The following TANGO6 variants were observed in gnomAD, a reference collection of about 807,000 sequenced individuals.
TANGO6 encodes the protein transport and golgi organization 6 homolog.
In TANGO6, 90 loss-of-function variants were observed where a neutral mutation model predicts 114.2. The observed-to-expected ratio is 0.79, with a 90% CI of 0.66 to 0.94. TANGO6 has a LOEUF of 0.94. Ranked by LOEUF, TANGO6 falls within the 40% of genes least tolerant of loss-of-function variation. The probability of loss-of-function intolerance (pLI) is 0.00; values close to 1 mark genes in which losing one functional copy is unlikely to be tolerated. For synonymous variants in TANGO6, 477 were observed against 509.8 expected (o/e 0.94, Z 0.87); for missense variants, 1,274 against 1,315.3 (o/e 0.97, Z 0.49).
chr16:69,082,482 C>T (rs533658299), intron 17 of TANGO6, among the ~76,000 whole-genome samples: 5 of 152,022 alleles, frequency 3.3e-5, no homozygotes, highest in Admixed American at 1.3e-4. Flanking sequence ...CGGGGTGGCT[C>T]ATGCCTGTAA....
chr16:69,027,452 T>C (rs1959521551), intron 16 of TANGO6, among the ~76,000 whole-genome samples: 1 of 152,118 alleles, frequency 6.6e-6, no homozygotes, highest in African/African-American at 2.4e-5. Context: ...TTTAGTAACT[T>C]AGAAACAATA....
intron 4 of TANGO6, among the ~76,000 whole-genome samples, chr16:68,870,942 G>A (rs537031495): frequency 7.5e-5 from 11 of 145,792 alleles, no homozygotes; most frequent in African/African-American, 2.7e-4. Context: ...CACCACGCCC[G>A]GCTAATTTTT....
At chr16:68,996,892 A>G (rs1033140352) in intron 15 of TANGO6, among the ~76,000 whole-genome samples, 7 of 152,220 alleles carry the variant, frequency 4.6e-5, no homozygotes, top group African/African-American at 1.7e-4. Context: ...GGAGCCTGGA[A>G]AGAAGATTAA....
chr16:69,012,164 A>G (rs1964148179), intron 15 of TANGO6, among the ~76,000 whole-genome samples: 1 of 152,216 alleles, frequency 6.6e-6, no homozygotes, highest in Non-Finnish European at 1.5e-5. Context: ...AAGCCATTAG[A>G]ACTAAGCTAA....
chr16:68,988,692 CT>C lies in TANGO6; in HGVS notation c.2842+14545del, dbSNP rs397855895. Among the ~76,000 whole-genome samples the C allele has an allele frequency of 3.2e-3, 360 of 112,434 alleles. 2 individuals are homozygous for C. Among genetic ancestry groups the C allele is most frequent in the East Asian group, 0.014 (59 of 4,350 alleles). 73.8% of individuals were successfully genotyped at this position (112,434 alleles called of 152,430 possible). A position where few individuals can be genotyped will look rare whatever the true frequency, so the allele number is the denominator to read the frequency against. Reference sequence around the variant, plus strand: ...TAGTTAGAGTTTAAGTTCTCTCTCTCTTTTTTTTTTTTTTTTTTTTTGAGAC... The same window carrying C: ...TAGTTAGAGTTTAAGTTCTCTCTCTCTTTTTTTTTTTTTTTTTTTTGAGAC... On this transcript the variant is annotated intron_variant, in intron 15 of 17. Transcript: ENST00000261778.
At chr16:68,898,310 G>A (rs915545483) in intron 7 of TANGO6, among the ~76,000 whole-genome samples, 4 of 152,084 alleles carry the variant, frequency 2.6e-5, no homozygotes, top group African/African-American at 9.7e-5. Flanking sequence ...GGAGTCAGGA[G>A]GCTTAAGGGA....
intron 15 of TANGO6, among the ~76,000 whole-genome samples, chr16:69,014,362 T>G (rs1477547830): frequency 6.6e-6 from 1 of 152,164 alleles, no homozygotes; most frequent in African/African-American, 2.4e-5. Context: ...TCTAGCAGAC[T>G]TTCCTTCACA....
intron 17 of TANGO6, among the ~76,000 whole-genome samples, chr16:69,057,005 T>C (rs1960042453): frequency 1.5e-5 from 2 of 129,350 alleles, no homozygotes; most frequent in Non-Finnish European, 3.3e-5. Context: ...TTCTTTTTTT[T>C]TTTTTTTTTT....
intron 14 of TANGO6, among the ~76,000 whole-genome samples, chr16:68,951,865 G>A (rs1416171786): frequency 6.6e-6 from 1 of 152,108 alleles, no homozygotes; most frequent in East Asian, 1.9e-4. Flanking sequence ...ACCCGCCTCG[G>A]CCTCCCAAAG....
At chr16:68,854,090 A>G (rs80204463) in intron 1 of TANGO6, among the ~76,000 whole-genome samples, 14,696 of 152,134 alleles carry the variant, frequency 0.097, 804 homozygotes, top group Non-Finnish European at 0.13. Flanking sequence ...TTAGAACTGT[A>G]TATTTTGAAA....
intron 14 of TANGO6, among the ~76,000 whole-genome samples, chr16:68,967,832 C>T (rs1963660787): frequency 1.3e-5 from 2 of 152,056 alleles, no homozygotes; most frequent in African/African-American, 2.4e-5. Context: ...TTAGCAAAGA[C>T]ATTTTAGAAT....
At chr16:68,955,331 C>T (rs2152207042) in intron 14 of TANGO6, among the ~76,000 whole-genome samples, 1 of 152,272 alleles carries the variant, frequency 6.6e-6, no homozygotes, top group Non-Finnish European at 1.5e-5. Flanking sequence ...TATTATTTGT[C>T]TTGCAATTCA....
intron 15 of TANGO6, among the ~76,000 whole-genome samples, chr16:69,017,472 T>G (rs1959319772): frequency 6.6e-6 from 1 of 152,224 alleles, no homozygotes; most frequent in Admixed American, 6.5e-5. Flanking sequence ...CAATTTCCCC[T>G]GCTTGTAGAT....
At chr16:68,906,385 C>T (rs1962850058) in intron 9 of TANGO6, among the ~76,000 whole-genome samples, 1 of 152,098 alleles carries the variant, frequency 6.6e-6, no homozygotes, top group Non-Finnish European at 1.5e-5. Context: ...TGCCCATAAC[C>T]CTTCAGTGGC....
chr16:68,888,666 A>C (rs1416575345), intron 7 of TANGO6, among the ~76,000 whole-genome samples: 2 of 152,104 alleles, frequency 1.3e-5, no homozygotes, highest in African/African-American at 4.8e-5. Context: ...TGAATTTCTA[A>C]TTACAGCTAT....
intron 15 of TANGO6, 93 bp from the exon 16 acceptor site, chr16:69,022,735 A>C: frequency 3.0e-6 from 4 of 1,351,420 alleles, no homozygotes; most frequent in Non-Finnish European, 4.0e-6. Flanking sequence ...AGAATAAGAC[A>C]TCATGCAGTG....
intron 14 of TANGO6, among the ~76,000 whole-genome samples, chr16:68,943,582 G>A (rs149897334): frequency 2.9e-4 from 44 of 152,016 alleles, no homozygotes; most frequent in Admixed American, 7.9e-4. Context: ...AGCCAGGATG[G>A]TCTCAATCTC....
At chr16:69,040,860 G>A (rs114330172) in intron 17 of TANGO6, among the ~76,000 whole-genome samples, 1,726 of 152,138 alleles carry the variant, frequency 0.011, 39 homozygotes, top group African/African-American at 0.039. Flanking sequence ...GTTAGGTGCT[G>A]CATAAATTAA....
intron 6 of TANGO6, 59 bp downstream of exon 6, chr16:68,878,339 C>T (rs1962402210): frequency 9.9e-6 from 15 of 1,508,906 alleles, no homozygotes; most frequent in Non-Finnish European, 1.3e-5. Flanking sequence ...CAGTATTTCA[C>T]GTTGAAATGA....
Sources: gnomAD v4.1 joint callset for allele counts (sites outside exome capture counted in the v4.1 genomes callset) on GRCh38, gnomAD v4.1.1 for gene constraint, MANE v1.5 for transcripts, NCBI Gene and HGNC (gene_info 2026-07-23, HGNC 2026-07-21) for gene names.